The following PLCXD3 variants were observed in gnomAD, a reference collection of about 807,000 sequenced individuals.
The protein encoded by PLCXD3 is PI-PLC X domain-containing protein 3.
PLCXD3 carries 19 observed loss-of-function variants against 25.5 expected under a neutral mutation model. That is an observed-to-expected ratio of 0.75 (90% CI 0.52 to 1.09). The LOEUF is 1.09. Among genes scored for constraint, PLCXD3 ranks in the 50% least tolerant of loss-of-function variants. The pLI, the probability that PLCXD3 is intolerant of heterozygous loss-of-function variation, is 0.00. For missense variants in PLCXD3, 411 were observed against 388.1 expected (o/e 1.06, Z -0.50); for synonymous variants, 174 against 137.6 (o/e 1.26, Z -1.85).
At chr5:41,398,651 GA>G (rs1286056292) in intron 1 of PLCXD3, among the ~76,000 whole-genome samples, 1 of 152,024 alleles carries the variant, frequency 6.6e-6, no homozygotes, top group East Asian at 1.9e-4. Context: ...AATTGATGCT[GA>G]AAAAAACATA....
At chr5:41,314,045 AAAC>A (rs1345560481) in intron 2 of PLCXD3, among the ~76,000 whole-genome samples, 1 of 152,202 alleles carries the variant, frequency 6.6e-6, no homozygotes, top group African/African-American at 2.4e-5. Flanking sequence ...CCTACTAAGA[AAAC>A]AACATTTTTG....
At chr5:41,441,378 A>G (rs1216322905) in intron 1 of PLCXD3, among the ~76,000 whole-genome samples, 1 of 152,210 alleles carries the variant, frequency 6.6e-6, no homozygotes, top group African/African-American at 2.4e-5. Flanking sequence ...ATCATTTTGC[A>G]TGGAAAAGAA....
At chr5:41,503,649 C>G (rs887854551) in intron 1 of PLCXD3, among the ~76,000 whole-genome samples, 1 of 152,108 alleles carries the variant, frequency 6.6e-6, no homozygotes, top group African/African-American at 2.4e-5. Flanking sequence ...AGCAAAATTC[C>G]ACCTGAACCA....
chr5:41,349,323 T>C (rs1444095042), intron 2 of PLCXD3, among the ~76,000 whole-genome samples: 1 of 152,234 alleles, frequency 6.6e-6, no homozygotes, highest in Non-Finnish European at 1.5e-5. Flanking sequence ...CAAAATTTTA[T>C]GTCAGGATAA....
At chr5:41,401,916 T>C (rs1746198437) in intron 1 of PLCXD3, among the ~76,000 whole-genome samples, 1 of 152,038 alleles carries the variant, frequency 6.6e-6, no homozygotes, top group South Asian at 2.1e-4. Context: ...CTTATTACAC[T>C]TTTAATGCCT....
intron 1 of PLCXD3, among the ~76,000 whole-genome samples, chr5:41,480,766 C>CA (rs1748391640): frequency 6.6e-6 from 1 of 151,850 alleles, no homozygotes; most frequent in Non-Finnish European, 1.5e-5. Context: ...ACTAAAAATA[C>CA]AAAAATTAGC....
In PLCXD3 at chr5:41,382,009, T is replaced by C; in HGVS notation, c.629A>G (p.Gln210Arg). Residue 210 changes from glutamine (Q) to arginine (R), a missense_variant, in exon 2 of 3, where the codon CAG becomes CGG. Gln to Arg is a conservative substitution (Grantham distance 43). Transcript: ENST00000377801. The part of the protein sequence containing the change: ...ALEVPFLWPG[Q>R]MMPAPWANTT... ...GTTGGCCCAGGGTGCTGGCATCATC[T>C]GCCCAGGCCAGAGAAAGGGCACTTC... 1 of 1,613,604 alleles carries C rather than the reference T, an allele frequency of 6.2e-7. No homozygotes were observed.
At chr5:41,454,936 C>T (rs967317988) in intron 1 of PLCXD3, among the ~76,000 whole-genome samples, 11 of 151,770 alleles carry the variant, frequency 7.2e-5, no homozygotes, top group African/African-American at 1.9e-4. Flanking sequence ...TAGTGGAAGG[C>T]GAAGGGGAAA....
intron 1 of PLCXD3, among the ~76,000 whole-genome samples, chr5:41,508,076 T>C (rs1481131118): frequency 1.3e-5 from 2 of 152,180 alleles, no homozygotes; most frequent in Admixed American, 6.5e-5. Context: ...TGATGAAAAA[T>C]GTTGGTCTAT....
intron 2 of PLCXD3, among the ~76,000 whole-genome samples, chr5:41,376,068 TC>T (rs1312030849): frequency 6.6e-6 from 1 of 152,020 alleles, no homozygotes; most frequent in Non-Finnish European, 1.5e-5. Context: ...ACAGTTGTCT[TC>T]CTTTGCCCAG....
At chr5:41,360,456 T>C (rs1312948868) in intron 2 of PLCXD3, among the ~76,000 whole-genome samples, 2 of 152,132 alleles carry the variant, frequency 1.3e-5, no homozygotes, top group Non-Finnish European at 2.9e-5. Context: ...ACCAGAATTG[T>C]TTTTCTGGTT....
intron 1 of PLCXD3, among the ~76,000 whole-genome samples, chr5:41,492,468 C>G (rs906873469): frequency 2.1e-4 from 31 of 148,718 alleles, no homozygotes; most frequent in Admixed American, 1.9e-3. Flanking sequence ...TTTCCTGAAT[C>G]TGAATGTTGG....
intron 1 of PLCXD3, among the ~76,000 whole-genome samples, chr5:41,460,247 C>T (rs1378834999): frequency 6.6e-6 from 1 of 151,850 alleles, no homozygotes; most frequent in Non-Finnish European, 1.5e-5. Flanking sequence ...GGTGACTATG[C>T]TGTTAATTCT....
intron 1 of PLCXD3, among the ~76,000 whole-genome samples, chr5:41,486,241 AT>A (rs1181059097): frequency 1.3e-5 from 2 of 151,414 alleles, no homozygotes; most frequent in Admixed American, 6.6e-5. Flanking sequence ...CTGCTTTTGG[AT>A]TTCCTATTAT....
chr5:41,404,196 C>T (rs1243198649), intron 1 of PLCXD3, among the ~76,000 whole-genome samples: 5 of 152,100 alleles, frequency 3.3e-5, no homozygotes, highest in Admixed American at 6.6e-5. Flanking sequence ...CTGTTTAATA[C>T]TCGAGGATCA....
intron 1 of PLCXD3, among the ~76,000 whole-genome samples, chr5:41,394,310 T>A (rs903615311): frequency 1.3e-5 from 2 of 151,576 alleles, no homozygotes; most frequent in Admixed American, 6.6e-5. Context: ...ATAAATACAA[T>A]GAATACATAA....
intron 1 of PLCXD3, among the ~76,000 whole-genome samples, chr5:41,410,165 A>C (rs1477225510): frequency 8.6e-6 from 1 of 115,624 alleles, no homozygotes; most frequent in African/African-American, 2.9e-5. Flanking sequence ...TTTGAGACGG[A>C]GTCTCACTCT....
intron 1 of PLCXD3, among the ~76,000 whole-genome samples, chr5:41,500,446 G>A (rs962639302): frequency 2.6e-4 from 40 of 151,956 alleles, no homozygotes; most frequent in African/African-American, 9.4e-4. Context: ...TAAAAAGGGA[G>A]AGATAATGAG....
intron 2 of PLCXD3, among the ~76,000 whole-genome samples, chr5:41,339,941 A>G (rs1195862550): frequency 2.0e-5 from 3 of 152,198 alleles, no homozygotes; most frequent in Non-Finnish European, 4.4e-5. Context: ...ATGGAACAAA[A>G]GGAAAGACAC....
Sources: allele counts gnomAD v4.1 joint callset (sites outside exome capture counted in the v4.1 genomes callset), GRCh38; gene constraint gnomAD v4.1.1; transcripts MANE v1.5; gene names NCBI Gene and HGNC (gene_info 2026-07-23, HGNC 2026-07-21).